Variants in NBPF11 observed in about 807,000 individuals in gnomAD.
NBPF11 encodes the protein NBPF family member NBPF11.
NBPF11 carries 72 observed loss-of-function variants against 93.9 expected under a neutral mutation model. The ratio of observed to expected loss-of-function variants is 0.77; its 90% CI spans 0.63 to 0.93. The LOEUF (loss-of-function observed/expected upper bound fraction) is 0.93, where lower values mean the gene tolerates loss of function less well. Ranked by LOEUF, NBPF11 falls within the 40% of genes least tolerant of loss-of-function variation. The pLI is 0.00. For synonymous variants in NBPF11, 224 were observed against 304.9 expected, an observed-to-expected ratio of 0.73 and a Z score of 2.76; for missense variants, 705 against 802.2, an observed-to-expected ratio of 0.88 and a Z score of 1.46.
chr1:148,146,819 T>A lies in NBPF11; in HGVS notation c.-548-3133A>T, dbSNP rs1193697424. On this transcript the variant is annotated intron_variant, in intron 1 of 23. Transcript: ENST00000682118. ...CTGGGCTCCCGCCTCCACTGCAACA[T>A]CTTCACCTACGACTCCTCCGGCTAC... The A allele has an allele frequency of 1.9e-6, 3 of 1,613,582 alleles. No individual in the cohort carries two copies. The East Asian group carries it at 6.7e-5, about 36-fold the overall frequency.
At chr1:148,104,112 GA>G in intron 23 of NBPF11, among the ~76,000 whole-genome samples, 200 bp from the exon 24 acceptor site, 2 of 91,010 alleles carry the variant, frequency 2.2e-5, no homozygotes, top group Non-Finnish European at 4.5e-5. Context: ...CAGAGAGAGA[GA>G]GACAGAGACA....
rs1663069102 is a variant in NBPF11 at position 148,104,566 on chromosome 1, C to T, written c.2552G>A (p.Gly851Glu). ...RRKEEGEEKK[G>E]KKIKTHHAPG... Reference sequence around the variant, plus strand: ...GGCATGGTGGGTTTTGATCTTCTTCCCCTTCTTTTCTTCCCCTTCTTCTTT... The same window carrying T: ...GGCATGGTGGGTTTTGATCTTCTTCTCCTTCTTTTCTTCCCCTTCTTCTTT... The change falls in exon 23 of 24, where the codon GGG (glycine) becomes GAG (glutamate). Residue 851 changes from glycine (G) to glutamate (E), a missense_variant. Gly to Glu is a moderately conservative substitution (Grantham distance 98). Around this residue, in one of 12 missense-constraint regions of NBPF11, gnomAD observed 109 missense variants for 83.3 expected, o/e 1.31. Transcript: ENST00000682118. The T allele has an allele frequency of 5.0e-6, 3 of 596,014 alleles. No individual in the cohort carries two copies. The highest frequency in any genetic ancestry group is 5.5e-5 in the East Asian group (2 of 36,324). The allele number at this position is 596,014 out of a possible 1,614,324, so 36.9% of individuals were successfully genotyped here.
In NBPF11 at chr1:148,127,047, A is replaced by G. The variant is rs1466239005; in HGVS notation, c.-35-9T>C. 2 of 572,112 alleles carry G rather than the reference A, an allele frequency of 3.5e-6. No individual in the cohort carries two copies. The highest frequency in any genetic ancestry group is 6.1e-5 in the African/African-American group (2 of 32,522). 35.4% of individuals were successfully genotyped at this position (572,112 alleles called of 1,614,324 possible). A position where few individuals can be genotyped will look rare whatever the true frequency, so the allele number is the denominator to read the frequency against. On this transcript the variant is annotated splice_polypyrimidine_tract_variant and intron_variant, in intron 4 of 23. Coordinates refer to ENST00000682118, the MANE Select transcript of NBPF11 (RefSeq NM_001385469.3). ...AGAGGTGGAGTCAGGGACTGGGGAG[A>G]AGAAACCCAAACATATGATGGGTTA...
chr1:148,111,422 A>C (rs1277037551), intron 15 of NBPF11, among the ~76,000 whole-genome samples: 4 of 152,050 alleles, frequency 2.6e-5, no homozygotes, highest in African/African-American at 9.7e-5. Context: ...TGACAGAAGT[A>C]GGCTTCAGAA....
intron 2 of NBPF11, among the ~76,000 whole-genome samples, chr1:148,142,881 T>C (rs1462223379): frequency 3.9e-5 from 6 of 152,102 alleles, no homozygotes; most frequent in Non-Finnish European, 8.8e-5. Flanking sequence ...TCAAAAGTGG[T>C]CTCTCTTTTA....
intron 10 of NBPF11, among the ~76,000 whole-genome samples, chr1:148,120,206 T>C (rs1248179919): frequency 3.9e-5 from 6 of 152,086 alleles, no homozygotes; most frequent in African/African-American, 1.5e-4. Context: ...GAGAGGATTC[T>C]TGAAAACACG....
At chr1:148,121,520 T>G (rs1320555866) in intron 9 of NBPF11, among the ~76,000 whole-genome samples, 1 of 149,668 alleles carries the variant, frequency 6.7e-6, no homozygotes, top group Non-Finnish European at 1.5e-5. Context: ...GCTAATTTCT[T>G]TTTTTTTTGT....
rs1302935958 is a variant in NBPF11, at chr1:148,139,348, G to A, written c.-276-1539C>T. 9.0e-5 allele frequency among the ~76,000 whole-genome samples: 13 copies of A among 143,654 alleles called. 2 individuals are homozygous for A. Among genetic ancestry groups the A allele is most frequent in the Admixed American group, 2.1e-4 (3 of 14,220 alleles). The allele number at this position is 143,654 out of a possible 152,430, so 94.2% of individuals were successfully genotyped here. On this transcript the variant is annotated intron_variant, in intron 2 of 23. Transcript: ENST00000682118. ...ATCTCTTCTCTATTTGTCACAAAAC[G>A]AACACAATAGTCCACTACATAAAGT...
intron 17 of NBPF11, 124 bp downstream of exon 17, chr1:148,109,160 G>C: frequency 1.2e-6 from 1 of 800,976 alleles, no homozygotes; most frequent in Non-Finnish European, 2.2e-6. Flanking sequence ...AAACAATGCA[G>C]TAGGCATAAT....
chr1:148,104,376 T>A (rs1420395026), intron 23 of NBPF11, among the ~76,000 whole-genome samples, 161 bp downstream of exon 23: 2 of 146,982 alleles, frequency 1.4e-5, no homozygotes, highest in African/African-American at 5.3e-5. Context: ...GAGGAAGAAA[T>A]GGAAACCTAA....
chr1:148,144,595 TAAC>T (rs1441021761), intron 1 of NBPF11, among the ~76,000 whole-genome samples: 2 of 151,844 alleles, frequency 1.3e-5, no homozygotes, highest in East Asian at 1.9e-4. Flanking sequence ...AAAAAAATAA[TAAC>T]AATAATGAAT....
chr1:148,124,964 C>A lies in NBPF11; in HGVS notation c.213G>T (p.Leu71=). The A allele has an allele frequency of 6.2e-7, 1 of 1,607,856 alleles. No homozygotes were observed. Among genetic ancestry groups the A allele is most frequent in the East Asian group, 2.2e-5 (1 of 44,864 alleles). ...CCTCCTTGAACTGTCGCTCATTCCT[C>A]AGCATAAATTTTATGAGGTCTTTAC... ...EECKDLIKFM[L]RNERQFKEEK... The change falls in exon 6 of 24, where the codon CTG becomes CTT. Residue 71 remains leucine (L), a synonymous_variant. Coordinates refer to ENST00000682118, the MANE Select transcript of NBPF11 (RefSeq NM_001385469.3).
intron 23 of NBPF11, among the ~76,000 whole-genome samples, chr1:148,104,177 G>T (rs1396225266): frequency 6.2e-5 from 9 of 144,818 alleles, no homozygotes; most frequent in Non-Finnish European, 1.1e-4. Context: ...AATTGGCCAG[G>T]TGACATACTG....
chr1:148,148,790 A>T (rs2149314465), intron 1 of NBPF11, among the ~76,000 whole-genome samples: 1 of 152,070 alleles, frequency 6.6e-6, no homozygotes, highest in East Asian at 1.9e-4. Flanking sequence ...GGTATGAAGC[A>T]TTCAGGATGT....
chr1:148,133,305 T>C (rs1670723171), intron 4 of NBPF11, among the ~76,000 whole-genome samples: 1 of 152,018 alleles, frequency 6.6e-6, no homozygotes, highest in South Asian at 2.1e-4. Flanking sequence ...TTCAATACTT[T>C]ATTAATTTTT....
chr1:148,114,277 A>G (rs1665958903), intron 15 of NBPF11, among the ~76,000 whole-genome samples, 160 bp downstream of exon 15: 1 of 151,928 alleles, frequency 6.6e-6, no homozygotes, highest in Non-Finnish European at 1.5e-5. Flanking sequence ...AATTAAAACC[A>G]ACACAAGTGC....
rs1443984664 is a variant in NBPF11 at position 148,147,696 on chromosome 1, G to A, written c.-548-4010C>T. ...TCAGAGGCCCTAGGGAGGTGGGGTC[G>A]TCGTTGCCTTGGTGATATGCAGGCA... is the stretch of plus-strand genomic sequence containing the variant. On this transcript the variant is annotated intron_variant, in intron 1 of 23. Transcript: ENST00000682118. 5.9e-5 allele frequency among the ~76,000 whole-genome samples: 9 copies of A among 152,084 alleles called. 1 individual carries two copies. Among genetic ancestry groups the A allele is most frequent in the African/African-American group, 9.7e-5 (4 of 41,376 alleles).
intron 1 of NBPF11, among the ~76,000 whole-genome samples, chr1:148,148,250 G>A (rs1329300608): frequency 1.3e-5 from 2 of 152,262 alleles, no homozygotes; most frequent in African/African-American, 4.8e-5. Flanking sequence ...AGCCCTGCTG[G>A]TGGAGTCCGA....
chr1:148,146,102 G>A (rs1181967656), intron 1 of NBPF11, among the ~76,000 whole-genome samples: 25 of 151,840 alleles, frequency 1.6e-4, no homozygotes, highest in Admixed American at 1.6e-3. Flanking sequence ...ACGCACGGGC[G>A]GGCGGCCGGG....
Sources: allele counts gnomAD v4.1 joint callset (sites outside exome capture counted in the v4.1 genomes callset), GRCh38; gene constraint gnomAD v4.1.1; regional missense constraint gnomAD v4.1.1; transcripts MANE v1.5; gene names NCBI Gene and HGNC (gene_info 2026-07-23, HGNC 2026-07-21).